The following TBC1D1 variants were observed in gnomAD, a reference collection of about 807,000 sequenced individuals.
TBC1D1 encodes TBC1 domain family member 1, also known as TBC1 (tre-2/USP6, BUB2, cdc16) domain family, member 1.
A neutral mutation model predicts 125.6 loss-of-function variants in TBC1D1; 89 were observed. The observed-to-expected ratio is 0.71, with a 90% CI of 0.60 to 0.85. The LOEUF is 0.85. TBC1D1 is among the 40% of genes least tolerant of loss of function. TBC1D1 has a pLI of 0.00. For missense variants in TBC1D1, 1,377 were observed against 1,469.2 expected, an observed-to-expected ratio of 0.94 and a Z score of 1.03; for synonymous variants, 565 against 564.1, an observed-to-expected ratio of 1.00 and a Z score of -0.02.
chr4:37,945,512 CAAAAAAAAAAAAAAAAAAAAAAAAAAAA>C (rs59557310), intron 2 of TBC1D1, among the ~76,000 whole-genome samples: 1 of 20,680 alleles, frequency 4.8e-5, no homozygotes, highest in Non-Finnish European at 8.5e-5. Flanking sequence ...GACTCCACCT[CAAAAAAAAAAAAAAAAAAAAAAAAAAAA>C]AAAAAAAAAA....
chr4:37,895,363 T>C (rs1714336412), intron 1 of TBC1D1, among the ~76,000 whole-genome samples: 1 of 152,176 alleles, frequency 6.6e-6, no homozygotes, highest in Non-Finnish European at 1.5e-5. Flanking sequence ...CCCTTTTTCC[T>C]GTGCAATGAA....
intron 18 of TBC1D1, 108 bp from the exon 21 acceptor site, chr4:38,132,976 G>A (rs1030270572): frequency 1.3e-5 from 12 of 896,474 alleles, no homozygotes; most frequent in East Asian, 5.0e-5. Flanking sequence ...AGAGCTAAGC[G>A]TAGAGGAGAC....
chr4:38,071,116 A>G (rs1754632019), intron 12 of TBC1D1, among the ~76,000 whole-genome samples: 1 of 152,204 alleles, frequency 6.6e-6, no homozygotes, highest in African/African-American at 2.4e-5. Flanking sequence ...CCCCAAAGGT[A>G]CAGATACAGT....
intron 2 of TBC1D1, among the ~76,000 whole-genome samples, chr4:37,935,063 T>C (rs1724105158): frequency 6.6e-6 from 1 of 152,144 alleles, no homozygotes; most frequent in African/African-American, 2.4e-5. Context: ...ACACATGTCA[T>C]TTCCACTCAC....
chr4:38,011,558 C>T (rs1741509669), intron 2 of TBC1D1, among the ~76,000 whole-genome samples: 1 of 152,072 alleles, frequency 6.6e-6, no homozygotes, highest in Non-Finnish European at 1.5e-5. Context: ...TGGCAATATG[C>T]CCTTTGCCTT....
At chr4:38,105,433 C>CT (rs985811034) in intron 15 of TBC1D1, among the ~76,000 whole-genome samples, 2 of 151,974 alleles carry the variant, frequency 1.3e-5, no homozygotes, top group East Asian at 1.9e-4. Flanking sequence ...GGAAGCTGCA[C>CT]TTTTTTTTCA....
At chr4:37,936,366 A>G (rs1258231151) in intron 2 of TBC1D1, among the ~76,000 whole-genome samples, 1 of 152,218 alleles carries the variant, frequency 6.6e-6, no homozygotes, top group Non-Finnish European at 1.5e-5. Flanking sequence ...AGGTCACTAA[A>G]ACACAAAAAG....
chr4:38,112,109 C>G (rs537856186), intron 15 of TBC1D1: 43 of 983,574 alleles, frequency 4.4e-5, no homozygotes, highest in Middle Eastern at 5.3e-4. Context: ...TGGGTAATAA[C>G]AAGAGATTTG....
At chr4:38,124,916 G>T in intron 17 of TBC1D1, 46 bp from the exon 20 acceptor site, 1 of 1,569,592 alleles carries the variant, frequency 6.4e-7, no homozygotes, top group South Asian at 1.1e-5. Context: ...GGTATTGCGT[G>T]AGAAACTGGT....
chr4:38,097,246 C>A (rs941805650), intron 14 of TBC1D1, among the ~76,000 whole-genome samples: 4 of 151,502 alleles, frequency 2.6e-5, no homozygotes, highest in African/African-American at 9.7e-5. Context: ...CACTGCAACC[C>A]CTGCCTCCCA....
At chr4:38,096,302 A>G (rs1221117594) in intron 14 of TBC1D1, among the ~76,000 whole-genome samples, 1 of 152,234 alleles carries the variant, frequency 6.6e-6, no homozygotes, top group African/African-American at 2.4e-5. Context: ...AGGCCGGGAA[A>G]TAGGAAGAAG....
chr4:37,997,976 G>T (rs1458571526), intron 2 of TBC1D1, among the ~76,000 whole-genome samples: 1 of 152,066 alleles, frequency 6.6e-6, no homozygotes, highest in African/African-American at 2.4e-5. Flanking sequence ...TCTGTATTCG[G>T]ATTTCTGGAT....
Position 38,021,726 on chromosome 4 carries a change from G to C in TBC1D1, c.1210+8G>C, listed in dbSNP as rs1170669115. 3 of 1,542,186 alleles carry C rather than the reference G, an allele frequency of 1.9e-6. No individual in the cohort carries two copies. The highest frequency in any genetic ancestry group is 2.6e-6 in the Non-Finnish European group (3 of 1,146,010). ...TCTGTGAGAGGATAGAGGGTGAGTA[G>C]GGGACCCTTTCCAGCATGAACACAG... is the stretch of plus-strand genomic sequence containing the variant. On this transcript the variant is annotated splice_region_variant and intron_variant, in intron 6 of 19. Coordinates refer to ENST00000261439, the MANE Select transcript of TBC1D1 (RefSeq NM_015173.4).
intron 7 of TBC1D1, among the ~76,000 whole-genome samples, chr4:38,032,711 T>A (rs1043164210): frequency 2.2e-4 from 33 of 151,844 alleles, no homozygotes; most frequent in Admixed American, 2.1e-3. Flanking sequence ...GGCGGGTGCC[T>A]GTAGTCCCAA....
chr4:37,933,734 G>A (rs1403906426), intron 2 of TBC1D1, among the ~76,000 whole-genome samples: 4 of 152,148 alleles, frequency 2.6e-5, no homozygotes, highest in Non-Finnish European at 5.9e-5. Context: ...AGATAGATAT[G>A]ATTCATTGTC....
At chr4:38,052,187 G>GTGTGTC in intron 11 of TBC1D1, 127 bp downstream of exon 12, 1 of 790,340 alleles carries the variant, frequency 1.3e-6, no homozygotes, top group Non-Finnish European at 2.0e-6. Flanking sequence ...GTGTGTGTGT[G>GTGTGTC]TGTGTGTGCG....
intron 2 of TBC1D1, among the ~76,000 whole-genome samples, chr4:37,933,135 A>T (rs377202839): frequency 2.6e-5 from 4 of 152,026 alleles, no homozygotes; most frequent in African/African-American, 9.7e-5. Flanking sequence ...TTAAAACTGG[A>T]TGTATTACCT....
intron 2 of TBC1D1, among the ~76,000 whole-genome samples, chr4:37,973,926 G>A (rs146069741): frequency 1.1e-4 from 16 of 152,318 alleles, no homozygotes; most frequent in African/African-American, 3.8e-4. Context: ...TTAGGGCAGG[G>A]CCTGAGATTC....
At chr4:37,927,005 G>C (rs142666504) in intron 2 of TBC1D1, among the ~76,000 whole-genome samples, 2 of 152,108 alleles carry the variant, frequency 1.3e-5, no homozygotes, top group African/African-American at 2.4e-5. Context: ...TAACCCCAAT[G>C]TAATTCTCGT....
Sources: gnomAD v4.1 joint callset for allele counts (sites outside exome capture counted in the v4.1 genomes callset) on GRCh38, gnomAD v4.1.1 for gene constraint, MANE v1.5 for transcripts, NCBI Gene and HGNC (gene_info 2026-07-23, HGNC 2026-07-21) for gene names.